GMDS: variants seen among roughly 807,000 people sequenced by gnomAD.
GMDS encodes the protein GDP-mannose 4,6 dehydratase.
A neutral mutation model predicts 49.9 loss-of-function variants in GMDS; 20 were observed. The observed-to-expected ratio is 0.40, with a 90% CI of 0.28 to 0.58. The LOEUF (loss-of-function observed/expected upper bound fraction) is 0.58. Among genes scored for constraint, GMDS ranks in the 20% least tolerant of loss-of-function variants. The probability of loss-of-function intolerance (pLI) is 0.42; values close to 1 mark genes in which losing one functional copy is unlikely to be tolerated. For synonymous variants in GMDS, 177 were observed against 178.6 expected (o/e 0.99, Z 0.07); for missense variants, 362 against 481.4 (o/e 0.75, Z 2.32).
At chr6:1,962,200 C>T (rs1763985807) in intron 4 of GMDS, among the ~76,000 whole-genome samples, 1 of 152,104 alleles carries the variant, frequency 6.6e-6, no homozygotes. Flanking sequence ...TTCATCACCC[C>T]AAAAAGAAAC....
intron 7 of GMDS, among the ~76,000 whole-genome samples, chr6:1,928,740 G>C (rs907483630): frequency 6.6e-6 from 1 of 152,106 alleles, no homozygotes; most frequent in East Asian, 1.9e-4. Flanking sequence ...AGGCTAAGGC[G>C]GGTGGATCAC....
At chr6:2,055,198 T>G (rs971415273) in intron 4 of GMDS, among the ~76,000 whole-genome samples, 9 of 151,048 alleles carry the variant, frequency 6.0e-5, no homozygotes, top group Non-Finnish European at 1.3e-4. Flanking sequence ...AATGAAGAGA[T>G]CTTAAGAACC....
intron 2 of GMDS, among the ~76,000 whole-genome samples, chr6:2,118,818 T>A (rs1774988372): frequency 6.6e-6 from 1 of 152,216 alleles, no homozygotes; most frequent in Non-Finnish European, 1.5e-5. Flanking sequence ...CTAGGAAGCA[T>A]TAAATTGAGA....
intron 7 of GMDS, among the ~76,000 whole-genome samples, chr6:1,832,655 A>T (rs1756716238): frequency 6.6e-6 from 1 of 151,882 alleles, no homozygotes; most frequent in African/African-American, 2.4e-5. Context: ...AGAGCCAAAG[A>T]CTCCTTGGTC....
intron 7 of GMDS, among the ~76,000 whole-genome samples, chr6:1,793,639 C>A (rs1769629987): frequency 6.6e-6 from 1 of 152,168 alleles, no homozygotes; most frequent in Non-Finnish European, 1.5e-5. Flanking sequence ...GAAGGCAGCT[C>A]ATCTTCCTAC....
intron 4 of GMDS, among the ~76,000 whole-genome samples, chr6:2,110,202 C>G (rs529360665): frequency 4.9e-4 from 75 of 152,080 alleles, no homozygotes; most frequent in Non-Finnish European, 9.7e-4. Flanking sequence ...CCCTTCCCCC[C>G]CATAATGCAA....
chr6:2,038,702 G>A (rs1006304458), intron 4 of GMDS, among the ~76,000 whole-genome samples: 1 of 143,674 alleles, frequency 7.0e-6, no homozygotes, highest in African/African-American at 2.5e-5. Context: ...TGACTGCTGA[G>A]TAACATAAGC....
intron 9 of GMDS, among the ~76,000 whole-genome samples, chr6:1,647,252 T>C (rs75165520): frequency 0.02 from 3,103 of 152,296 alleles, 86 homozygotes; most frequent in African/African-American, 0.069. Flanking sequence ...CCTGCAGTTA[T>C]AGAACATCTT....
chr6:1,653,428 C>T (rs1161731259), intron 9 of GMDS, among the ~76,000 whole-genome samples: 2 of 152,136 alleles, frequency 1.3e-5, no homozygotes, highest in Non-Finnish European at 2.9e-5. Context: ...GATGTTTTTG[C>T]AGAAATAGAA....
chr6:1,658,383 G>A (rs987102792), intron 9 of GMDS, among the ~76,000 whole-genome samples: 1 of 152,256 alleles, frequency 6.6e-6, no homozygotes, highest in African/African-American at 2.4e-5. Flanking sequence ...AGGAACATAA[G>A]AGTATCATCC....
intron 1 of GMDS, among the ~76,000 whole-genome samples, chr6:2,227,711 A>G (rs1003961081): frequency 5.3e-5 from 8 of 152,176 alleles, no homozygotes; most frequent in Non-Finnish European, 2.9e-5. Flanking sequence ...GGGATTCCAG[A>G]ACAGAAGGCT....
At chr6:2,239,433 T>C (rs1247105999) in intron 1 of GMDS, among the ~76,000 whole-genome samples, 2 of 151,960 alleles carry the variant, frequency 1.3e-5, no homozygotes, top group African/African-American at 4.8e-5. Flanking sequence ...GTACACATAA[T>C]AAGTCAGCAT....
intron 4 of GMDS, among the ~76,000 whole-genome samples, chr6:2,030,267 G>T (rs1455312348): frequency 6.6e-6 from 1 of 152,202 alleles, no homozygotes; most frequent in Non-Finnish European, 1.5e-5. Context: ...TAAAGTATGT[G>T]TGGGGGTGGT....
chr6:1,788,374 T>C (rs974916856), intron 7 of GMDS, among the ~76,000 whole-genome samples: 6 of 152,238 alleles, frequency 3.9e-5, no homozygotes, highest in African/African-American at 1.4e-4. Flanking sequence ...AGGGAGGCAG[T>C]AGCACATGAA....
At chr6:2,073,297 TA>T (rs1206901242) in intron 4 of GMDS, among the ~76,000 whole-genome samples, 3 of 152,152 alleles carry the variant, frequency 2.0e-5, no homozygotes, top group African/African-American at 2.4e-5. Context: ...ACCAGATGCA[TA>T]AAAAAGGAAT....
chr6:2,203,574 AT>A (rs970981964), intron 1 of GMDS, among the ~76,000 whole-genome samples: 94 of 149,856 alleles, frequency 6.3e-4, no homozygotes, highest in Middle Eastern at 6.9e-3. Context: ...TTAGGCTATG[AT>A]TTTTTTTTTA....
intron 4 of GMDS, among the ~76,000 whole-genome samples, chr6:1,972,257 T>G (rs1018111725): frequency 8.2e-6 from 1 of 121,754 alleles, no homozygotes; most frequent in Non-Finnish European, 1.8e-5. Context: ...GTCTCCTGGG[T>G]TTTTGTTTTT....
At chr6:2,120,685 G>GTGT (rs148750306) in intron 2 of GMDS, among the ~76,000 whole-genome samples, 3,344 of 152,226 alleles carry the variant, frequency 0.022, 125 homozygotes, top group African/African-American at 0.078. Flanking sequence ...GTACAAAAGT[G>GTGT]TGTTGGTTTA....
At chr6:2,070,384 A>G (rs1161072088) in intron 4 of GMDS, among the ~76,000 whole-genome samples, 2 of 151,958 alleles carry the variant, frequency 1.3e-5, no homozygotes, top group African/African-American at 4.8e-5. Context: ...TAACCTGCAC[A>G]TTGTGCACAT....
Sources: gnomAD v4.1 joint callset for allele counts (sites outside exome capture counted in the v4.1 genomes callset) on GRCh38, gnomAD v4.1.1 for gene constraint, MANE v1.5 for transcripts, NCBI Gene and HGNC (gene_info 2026-07-23, HGNC 2026-07-21) for gene names.